RHBDL3: variants seen among roughly 807,000 people sequenced by gnomAD.
RHBDL3 encodes rhomboid-related protein 3.
Under a neutral mutation model 48.2 loss-of-function variants are expected in RHBDL3, and 28 were observed. That is an observed-to-expected ratio of 0.58 (90% CI 0.43 to 0.80). The LOEUF is 0.80. RHBDL3 is among the 30% of genes least tolerant of loss of function. RHBDL3 has a pLI of 0.00. For missense variants in RHBDL3, 464 were observed against 542.7 expected (o/e 0.85, Z 1.44); for synonymous variants, 208 against 232.3 (o/e 0.90, Z 0.95).
At chr17:32,293,258 C>T (rs921952034) in intron 4 of RHBDL3, among the ~76,000 whole-genome samples, 3 of 151,938 alleles carry the variant, frequency 2.0e-5, no homozygotes, top group Middle Eastern at 3.4e-3. Context: ...GTGATGGTAG[C>T]GCAGCAACAT....
intron 2 of RHBDL3, among the ~76,000 whole-genome samples, chr17:32,277,446 G>A (rs2039940974): frequency 6.6e-6 from 1 of 152,240 alleles, no homozygotes; most frequent in Admixed American, 6.5e-5. Context: ...GAGGGGAGAA[G>A]CAGTGCTGCT....
At chr17:32,290,162 C>G (rs994456921) in intron 4 of RHBDL3, among the ~76,000 whole-genome samples, 1 of 152,214 alleles carries the variant, frequency 6.6e-6, no homozygotes, top group African/African-American at 2.4e-5. Flanking sequence ...CAGGAGAATA[C>G]AGCTACCAGG....
rs1415292952 is a variant in RHBDL3 at position 32,314,698 on chromosome 17, A to G, written c.883-1534A>G. On this transcript the variant is annotated intron_variant, in intron 7 of 8. Coordinates refer to ENST00000269051, the MANE Select transcript of RHBDL3 (RefSeq NM_138328.3). ...TTGGGAAGAGATGTCCCATTAGATG[A>G]TTCCCAAGTTTCCTCCCATCCTAGG... 3.3e-5 allele frequency among the ~76,000 whole-genome samples: 5 copies of G among 152,260 alleles called. No homozygotes were observed. In the South Asian group the frequency reaches 6.2e-4, roughly 19 times the overall value.
At chr17:32,312,000 A>G (rs1308603539) in intron 7 of RHBDL3, among the ~76,000 whole-genome samples, 1 of 152,250 alleles carries the variant, frequency 6.6e-6, no homozygotes, top group African/African-American at 2.4e-5. Context: ...TGGCGCATTT[A>G]ACATCTATCC....
chr17:32,267,432 G>T (rs965061526), intron 1 of RHBDL3, among the ~76,000 whole-genome samples: 4 of 145,322 alleles, frequency 2.8e-5, no homozygotes, highest in African/African-American at 7.9e-5. Context: ...AGTTCTCCTG[G>T]GGGGGGAGGG....
rs1366704266 is a variant in RHBDL3, at chr17:32,321,038, G to A, written c.1024G>A (p.Ala342Thr). The change falls in exon 9 of 9, where the codon GCG becomes ACG. Residue 342 changes from alanine to threonine, a missense_variant. Physicochemically the swap from Ala to Thr is moderately conservative, Grantham distance 58. Coordinates refer to ENST00000269051, the MANE Select transcript of RHBDL3 (RefSeq NM_138328.3). ...YPPCPHPSFV[A>T]HLGGVAVGIT... ...CCCGTGCCCTCACCCAAGCTTTGTG[G>A]CGCACTTGGGTGGCGTGGCCGTGGG... The A allele has an allele frequency of 2.5e-6, 4 of 1,614,216 alleles. No homozygotes were observed. The highest frequency in any genetic ancestry group is 2.2e-5 in the South Asian group (2 of 91,086).
intron 6 of RHBDL3, among the ~76,000 whole-genome samples, 178 bp downstream of exon 6, chr17:32,298,382 G>T (rs573070012): frequency 9.9e-5 from 15 of 152,246 alleles, no homozygotes; most frequent in Non-Finnish European, 2.2e-4. Flanking sequence ...GCTGGAGAAC[G>T]GACTGCTGCC....
chr17:32,293,433 T>C (rs1277727828), intron 4 of RHBDL3, among the ~76,000 whole-genome samples: 3 of 151,914 alleles, frequency 2.0e-5, no homozygotes, highest in Non-Finnish European at 4.4e-5. Context: ...AATTCAAAAA[T>C]CAGCCAGGTG....
Position 32,324,439 on chromosome 17 carries a change from T to C in RHBDL3, c.*3210T>C, listed in dbSNP as rs1391984940. 1 of 152,628 alleles carries C rather than the reference T, an allele frequency of 6.6e-6. No individual in the cohort carries two copies. 9.5% of individuals were successfully genotyped at this position (152,628 alleles called of 1,614,324 possible). A position where few individuals can be genotyped will look rare whatever the true frequency, so the allele number is the denominator to read the frequency against. Reference sequence around the variant, plus strand: ...TGAAAGCCTTTCCTGGCATCATTCATGTTGCTCCCCGTGCTGGCTGGAAAG... The same window carrying C: ...TGAAAGCCTTTCCTGGCATCATTCACGTTGCTCCCCGTGCTGGCTGGAAAG... On this transcript the variant is annotated 3_prime_UTR_variant, in exon 9 of 9. Coordinates refer to ENST00000269051, the MANE Select transcript of RHBDL3 (RefSeq NM_138328.3).
At chr17:32,277,972 A>G (rs191469469) in intron 2 of RHBDL3, among the ~76,000 whole-genome samples, 224 of 152,304 alleles carry the variant, frequency 1.5e-3, no homozygotes, top group Non-Finnish European at 2.4e-3. Context: ...ACCATCAGGT[A>G]CCTGGTATTC....
At chr17:32,267,232 C>G (rs552702427) in intron 1 of RHBDL3, among the ~76,000 whole-genome samples, 1 of 152,122 alleles carries the variant, frequency 6.6e-6, no homozygotes, top group South Asian at 2.1e-4. Flanking sequence ...GCGGTTAAAT[C>G]TATCACTTCC....
At position 32,275,825 on chromosome 17, in the gene RHBDL3, A is replaced by T. The variant is rs562073613; in HGVS notation, c.135+7900A>T. On this transcript the variant is annotated intron_variant, in intron 2 of 8. Transcript: ENST00000269051. ...GGTGGCAGCTGAGGGAGCAGAAATA[A>T]TAAAACTGGGAATCCCAGAATCGTG... Among the ~76,000 whole-genome samples, 25 of 152,332 alleles carry T rather than the reference A, an allele frequency of 1.6e-4. No homozygotes were observed. The South Asian group carries it at 5.2e-3, about 32-fold the overall frequency.
chr17:32,266,115 G>T lies in RHBDL3; in HGVS notation c.-75G>T. On this transcript the variant is annotated 5_prime_UTR_variant, in exon 1 of 9. Transcript: ENST00000269051. ...ACTGAGCCCCTGGAGCGGCGCGGCC[G>T]CCGCGGCGCAAAGTTAGCCCGGCGC... The T allele has an allele frequency of 2.4e-6, 1 of 420,864 alleles. No individual in the cohort carries two copies. Among genetic ancestry groups the T allele is most frequent in the Non-Finnish European group, 3.3e-6 (1 of 307,638 alleles). 26.1% of individuals were successfully genotyped at this position (420,864 alleles called of 1,614,324 possible). A position where few individuals can be genotyped will look rare whatever the true frequency, so the allele number is the denominator to read the frequency against.
intron 4 of RHBDL3, among the ~76,000 whole-genome samples, 166 bp from the exon 5 acceptor site, chr17:32,294,128 C>CAA (rs34051934): frequency 0.091 from 9,731 of 107,516 alleles, 463 homozygotes; most frequent in South Asian, 0.29. Context: ...AACTCCATCT[C>CAA]AAAAAAAAAA....
chr17:32,309,842 T>C (rs372422322), intron 7 of RHBDL3, among the ~76,000 whole-genome samples: 146,221 of 146,224 alleles, frequency 1, 73,109 homozygotes, highest in Middle Eastern at 1. Context: ...TGCAATGGGG[T>C]GATCTCGGGT....
In RHBDL3 at chr17:32,321,266, G is replaced by A. The variant is rs748475534; in HGVS notation, c.*37G>A. 3 of 1,613,446 alleles carry A rather than the reference G, an allele frequency of 1.9e-6. No homozygotes were observed. The African/African-American group carries it at 4.0e-5, about 22-fold the overall frequency. On this transcript the variant is annotated 3_prime_UTR_variant, in exon 9 of 9. Coordinates refer to ENST00000269051, the MANE Select transcript of RHBDL3 (RefSeq NM_138328.3). ...CCAAGGTCGGGGAGGGGAGGGAAAA[G>A]CAGCACCCACAGGGAGCGCCTGCGA...
intron 7 of RHBDL3, among the ~76,000 whole-genome samples, chr17:32,307,257 C>A (rs1007025758): frequency 2.0e-5 from 3 of 152,122 alleles, no homozygotes; most frequent in African/African-American, 7.2e-5. Flanking sequence ...GTAGATGGTG[C>A]CCACTAGATT....
intron 8 of RHBDL3, among the ~76,000 whole-genome samples, chr17:32,318,969 G>A (rs2041041082): frequency 6.6e-6 from 1 of 152,130 alleles, no homozygotes; most frequent in African/African-American, 2.4e-5. Context: ...CTCATCCCAG[G>A]AAGGAACTTC....
chr17:32,305,866 C>T (rs554369612), intron 7 of RHBDL3, among the ~76,000 whole-genome samples: 6 of 150,322 alleles, frequency 4.0e-5, no homozygotes, highest in East Asian at 3.9e-4. Context: ...TGCAGTGAGC[C>T]GAGATCGCGC....
Sources: allele counts gnomAD v4.1 joint callset (sites outside exome capture counted in the v4.1 genomes callset), GRCh38; gene constraint gnomAD v4.1.1; transcripts MANE v1.5; gene names NCBI Gene and HGNC (gene_info 2026-07-23, HGNC 2026-07-21).